The following HMBOX1 variants were observed in gnomAD, a reference collection of about 807,000 sequenced individuals.
HMBOX1 encodes homeobox-containing protein 1.
Under a neutral mutation model 54.5 loss-of-function variants are expected in HMBOX1, and 14 were observed. The ratio of observed to expected loss-of-function variants is 0.26; its 90% CI spans 0.17 to 0.40. The LOEUF is 0.40. HMBOX1 is among the 10% of genes least tolerant of loss of function. The pLI, the probability that HMBOX1 is intolerant of heterozygous loss-of-function variation, is 1.00. For synonymous variants in HMBOX1, 160 were observed against 181.0 expected (o/e 0.88, Z 0.93); for missense variants, 332 against 514.4 (o/e 0.65, Z 3.43).
chr8:28,937,069 C>T (rs1820534480), intron 1 of HMBOX1, among the ~76,000 whole-genome samples: 1 of 152,028 alleles, frequency 6.6e-6, no homozygotes, highest in African/African-American at 2.4e-5. Flanking sequence ...GTCAGTGTAC[C>T]ACCTTTCCAG....
At chr8:29,045,264 T>C in intron 6 of HMBOX1, 97 bp from the exon 7 acceptor site, 3 of 908,688 alleles carry the variant, frequency 3.3e-6, no homozygotes, top group Non-Finnish European at 5.4e-6. Context: ...CACTTGAGTG[T>C]GGCATCTTAC....
At chr8:28,945,290 G>A (rs965878455) in intron 1 of HMBOX1, among the ~76,000 whole-genome samples, 1 of 152,092 alleles carries the variant, frequency 6.6e-6, no homozygotes, top group Non-Finnish European at 1.5e-5. Flanking sequence ...AGGAAATGAG[G>A]GCTTAACAAG....
At position 28,892,714 on chromosome 8, in the gene HMBOX1, T is replaced by A. The variant is rs548606220; in HGVS notation, c.-58+2036T>A. On this transcript the variant is annotated intron_variant, in intron 1 of 9. Coordinates refer to ENST00000287701, the MANE Select transcript of HMBOX1 (RefSeq NM_001135726.3). ...GGGGGACTGAAAGAGTGAGGTAGCA[T>A]GTATATTTCAATTGACCTGAATAGA... Among the ~76,000 whole-genome samples, 3 of 152,266 alleles carry A rather than the reference T, an allele frequency of 2.0e-5. No individual in the cohort carries two copies. The South Asian group carries it at 6.2e-4, about 32-fold the overall frequency.
At chr8:28,925,640 G>GA (rs33934018) in intron 1 of HMBOX1, among the ~76,000 whole-genome samples, 8 of 151,004 alleles carry the variant, frequency 5.3e-5, no homozygotes, top group South Asian at 2.1e-4. Flanking sequence ...CCCTGGCAGT[G>GA]AAAAAAAAAA....
In HMBOX1 at chr8:29,051,396, G is replaced by A. The variant is rs528591443; in HGVS notation, c.*241G>A. ...ACCAAACTTCCCTCTCCCAGCCCCCGAGGCTAGAAAATCTTGCTGCTCCGT... is the reference window on the plus strand; with the variant it reads ...ACCAAACTTCCCTCTCCCAGCCCCCAAGGCTAGAAAATCTTGCTGCTCCGT... On this transcript the variant is annotated 3_prime_UTR_variant, in exon 10 of 10. Coordinates refer to ENST00000287701, the MANE Select transcript of HMBOX1 (RefSeq NM_001135726.3). 1.9e-5 allele frequency: 12 copies of A among 645,870 alleles called. No individual in the cohort carries two copies. The East Asian group carries it at 2.2e-4, about 12-fold the overall frequency. 40.0% of individuals were successfully genotyped at this position (645,870 alleles called of 1,614,324 possible).
chr8:28,978,567 G>A (rs1828812622), intron 3 of HMBOX1, among the ~76,000 whole-genome samples: 11 of 152,168 alleles, frequency 7.2e-5, no homozygotes, highest in Admixed American at 7.2e-4. Flanking sequence ...AGGATCACTT[G>A]AGGTTAGGAG....
intron 1 of HMBOX1, among the ~76,000 whole-genome samples, chr8:28,918,979 C>A (rs1222101072): frequency 6.6e-6 from 1 of 152,136 alleles, no homozygotes; most frequent in African/African-American, 2.4e-5. Flanking sequence ...ACTATCAATT[C>A]TAAATAGAAA....
chr8:29,014,471 T>G (rs545106853), intron 5 of HMBOX1, among the ~76,000 whole-genome samples: 41 of 152,318 alleles, frequency 2.7e-4, no homozygotes, highest in African/African-American at 9.4e-4. Context: ...CAAAGCAAGA[T>G]GAACTAAGGT....
At chr8:28,903,995 A>G (rs1813763879) in intron 1 of HMBOX1, among the ~76,000 whole-genome samples, 1 of 152,096 alleles carries the variant, frequency 6.6e-6, no homozygotes, top group African/African-American at 2.4e-5. Flanking sequence ...ACAGGCCAAT[A>G]TCTCCCGCTC....
intron 2 of HMBOX1, among the ~76,000 whole-genome samples, chr8:28,968,303 T>G (rs1826795709): frequency 6.6e-6 from 1 of 152,218 alleles, no homozygotes. Context: ...ATTAGAATAG[T>G]TTTATCTAAA....
chr8:28,954,796 T>C (rs1440841097), intron 1 of HMBOX1, among the ~76,000 whole-genome samples: 1 of 152,184 alleles, frequency 6.6e-6, no homozygotes, highest in Admixed American at 6.5e-5. Context: ...AACTATGGTG[T>C]GTGGGTGGAA....
At chr8:29,025,761 G>A (rs1055224115) in intron 6 of HMBOX1, among the ~76,000 whole-genome samples, 5 of 152,058 alleles carry the variant, frequency 3.3e-5, no homozygotes, top group East Asian at 1.9e-4. Flanking sequence ...TTTTTGCAGC[G>A]AAATGTGGCT....
intron 2 of HMBOX1, among the ~76,000 whole-genome samples, chr8:28,969,635 A>G (rs1321191182): frequency 6.6e-6 from 1 of 152,154 alleles, no homozygotes; most frequent in South Asian, 2.1e-4. Context: ...TATTTTTTTC[A>G]GTAATTTTCC....
intron 1 of HMBOX1, among the ~76,000 whole-genome samples, chr8:28,956,286 A>T (rs951829445): frequency 6.6e-6 from 1 of 151,222 alleles, no homozygotes. Flanking sequence ...CTCTTTCTCT[A>T]CATGTCATGT....
chr8:28,958,285 A>T (rs1400723072), intron 1 of HMBOX1, among the ~76,000 whole-genome samples: 10 of 152,162 alleles, frequency 6.6e-5, no homozygotes, highest in Non-Finnish European at 1.5e-4. Context: ...GTTTTTTAAA[A>T]ATATAATTGC....
At chr8:29,041,487 TG>T (rs1172761781) in intron 6 of HMBOX1, among the ~76,000 whole-genome samples, 1 of 152,182 alleles carries the variant, frequency 6.6e-6, no homozygotes, top group Non-Finnish European at 1.5e-5. Flanking sequence ...GATTCAGACT[TG>T]TACCCTGGCA....
rs1002188817 is a variant in HMBOX1, at chr8:29,051,686, G to A, written c.*531G>A. On this transcript the variant is annotated 3_prime_UTR_variant, in exon 10 of 10. Transcript: ENST00000287701. ...TTGATTTCCAGCTGCAATAAGCCGT[G>A]CCTCATTATAGCCACACTGTGGCTA... The A allele has an allele frequency of 4.3e-6, 3 of 696,056 alleles. No homozygotes were observed. The South Asian group carries it at 4.5e-5, about 10-fold the overall frequency. 43.1% of individuals were successfully genotyped at this position (696,056 alleles called of 1,614,324 possible). A position where few individuals can be genotyped will look rare whatever the true frequency, so the allele number is the denominator to read the frequency against.
chr8:28,987,136 G>C (rs1340559824), intron 4 of HMBOX1, among the ~76,000 whole-genome samples: 1 of 152,120 alleles, frequency 6.6e-6, no homozygotes, highest in Non-Finnish European at 1.5e-5. Flanking sequence ...TGTATATAAA[G>C]TAGAAACTGT....
chr8:28,926,188 G>A (rs1818420849), intron 1 of HMBOX1, among the ~76,000 whole-genome samples: 1 of 151,948 alleles, frequency 6.6e-6, no homozygotes, highest in African/African-American at 2.4e-5. Flanking sequence ...TGTAGTCCCA[G>A]CTACTCAGGA....
Sources: allele counts gnomAD v4.1 joint callset (sites outside exome capture counted in the v4.1 genomes callset), GRCh38; gene constraint gnomAD v4.1.1; transcripts MANE v1.5; gene names NCBI Gene and HGNC (gene_info 2026-07-23, HGNC 2026-07-21).